ENPP1: variants seen among roughly 807,000 people sequenced by gnomAD.
ENPP1 encodes the protein ectonucleotide pyrophosphatase/phosphodiesterase family member 1.
Under a neutral mutation model 122.8 loss-of-function variants are expected in ENPP1, and 73 were observed. That is an observed-to-expected ratio of 0.59 (90% CI 0.49 to 0.72). The LOEUF is 0.72. ENPP1 is among the 30% of genes least tolerant of loss of function. The pLI is 0.00. For missense variants in ENPP1, 978 were observed against 1,128.1 expected (o/e 0.87, Z 1.91); for synonymous variants, 367 against 391.6 (o/e 0.94, Z 0.74).
intron 19 of ENPP1, 26 bp from the exon 20 acceptor site, chr6:131,879,854 C>A: frequency 6.2e-7 from 1 of 1,602,948 alleles, no homozygotes; most frequent in Non-Finnish European, 8.5e-7. Context: ...ACACTAACTA[C>A]ATTTATTTTC....
intron 1 of ENPP1, among the ~76,000 whole-genome samples, chr6:131,834,528 C>CTTTTTTT (rs34437450): frequency 7.5e-6 from 1 of 133,092 alleles, no homozygotes; most frequent in Non-Finnish European, 1.6e-5. Context: ...AGGTAATAGT[C>CTTTTTTT]TTTTTTTTTT....
rs181790655 is a variant in ENPP1, at chr6:131,825,323, A to G, written c.240+17048A>G. ...TTGTTGTTGTTGTTGTTAATTGACC[A>G]CTTCGTAACTTTTTTTATTCCTGCT... is the stretch of plus-strand genomic sequence containing the variant. On this transcript the variant is annotated intron_variant, in intron 1 of 24. Transcript: ENST00000647893. Among the ~76,000 whole-genome samples the G allele has an allele frequency of 3.3e-5, 5 of 152,266 alleles. No individual in the cohort carries two copies. In the East Asian group the frequency reaches 9.7e-4, roughly 29 times the overall value.
rs545598993 is a variant in ENPP1 at position 131,814,509 on chromosome 6, G to A, written c.240+6234G>A. Among the ~76,000 whole-genome samples the A allele has an allele frequency of 2.6e-4, 39 of 152,188 alleles. 1 individual carries two copies. Among genetic ancestry groups the A allele is most frequent in the Non-Finnish European group, 5.4e-4 (37 of 68,032 alleles). On this transcript the variant is annotated intron_variant, in intron 1 of 24. Transcript: ENST00000647893. ...TAGATTCAAGTTGCCCTGAGTATATGCTGTGAAAGACTTCTTTATAAGAGG... is the reference window on the plus strand; with the variant it reads ...TAGATTCAAGTTGCCCTGAGTATATACTGTGAAAGACTTCTTTATAAGAGG...
intron 1 of ENPP1, chr6:131,828,241 C>G (rs1781570278): frequency 1.8e-6 from 1 of 556,706 alleles, no homozygotes; most frequent in Admixed American, 2.0e-5. Flanking sequence ...TCAAATTCCA[C>G]TTTGTAAGAA....
At chr6:131,878,078 C>T (rs1344667344) in intron 18 of ENPP1, among the ~76,000 whole-genome samples, 1 of 151,516 alleles carries the variant, frequency 6.6e-6, no homozygotes, top group Non-Finnish European at 1.5e-5. Flanking sequence ...TGTCATTCCT[C>T]TCCTTCTGTC....
intron 1 of ENPP1, among the ~76,000 whole-genome samples, chr6:131,835,759 C>G (rs576346568): frequency 1.3e-5 from 2 of 152,192 alleles, no homozygotes; most frequent in Admixed American, 6.5e-5. Flanking sequence ...GTTGTTCCCC[C>G]CTCATGTGTC....
chr6:131,880,578 AG>A (rs199929064), intron 20 of ENPP1, among the ~76,000 whole-genome samples: 1,962 of 151,366 alleles, frequency 0.013, 43 homozygotes, highest in African/African-American at 0.046. Flanking sequence ...AAAAAAAAAA[AG>A]AAAGAAAGAA....
At position 131,836,407 on chromosome 6, in the gene ENPP1, C is replaced by A. The variant is rs888980105; in HGVS notation, c.241-11369C>A. On this transcript the variant is annotated intron_variant, in intron 1 of 24. Coordinates refer to ENST00000647893, the MANE Select transcript of ENPP1 (RefSeq NM_006208.3). Reference sequence around the variant, plus strand: ...GGGATTACATGTGTGAGTCACCACACCCAGCCGAGTGTGTGTGTGTGTGTG... The same window carrying A: ...GGGATTACATGTGTGAGTCACCACAACCAGCCGAGTGTGTGTGTGTGTGTG... Among the ~76,000 whole-genome samples the A allele has an allele frequency of 3.7e-5, 5 of 136,912 alleles. No homozygotes were observed. In the East Asian group the frequency reaches 1.0e-3, roughly 28 times the overall value. 89.8% of individuals were successfully genotyped at this position (136,912 alleles called of 152,430 possible).
chr6:131,834,869 T>A lies in ENPP1; in HGVS notation c.241-12907T>A, dbSNP rs181573833. Among the ~76,000 whole-genome samples, 261 of 152,230 alleles carry A rather than the reference T, an allele frequency of 1.7e-3. 5 individuals are homozygous for A. The highest frequency in any genetic ancestry group is 6.6e-4 in the Non-Finnish European group (45 of 68,000). On this transcript the variant is annotated intron_variant, in intron 1 of 24. Transcript: ENST00000647893. ...CCACCGCGCCCAGCTGAGGTAATAG[T>A]CTTTAAGAGAAGAGGGTACAGGATG...
chr6:131,850,820 T>C (rs184002548), intron 3 of ENPP1, among the ~76,000 whole-genome samples: 60 of 152,328 alleles, frequency 3.9e-4, no homozygotes, highest in Non-Finnish European at 7.4e-4. Flanking sequence ...CCTCTCACCT[T>C]GACCTGAGAG....
chr6:131,833,931 C>T (rs1411807505), intron 1 of ENPP1, among the ~76,000 whole-genome samples: 4 of 152,148 alleles, frequency 2.6e-5, no homozygotes, highest in Non-Finnish European at 5.9e-5. Flanking sequence ...TGGCTGGAGG[C>T]TGTATCTGAG....
chr6:131,826,182 C>T, intron 1 of ENPP1: 1 of 891,872 alleles, frequency 1.1e-6, no homozygotes, highest in Non-Finnish European at 1.9e-6. Context: ...ACAAATTCAT[C>T]AAGCTACTTT....
At chr6:131,878,674 G>T in intron 19 of ENPP1, 81 bp downstream of exon 19, 1 of 1,043,018 alleles carries the variant, frequency 9.6e-7, no homozygotes, top group East Asian at 2.4e-5. Context: ...ACTGGCTTGG[G>T]GGTATTATTT....
At chr6:131,865,904 G>C (rs543744584) in intron 11 of ENPP1, among the ~76,000 whole-genome samples, 14 of 151,884 alleles carry the variant, frequency 9.2e-5, no homozygotes, top group Middle Eastern at 3.4e-3. Flanking sequence ...GCTGAGGCAA[G>C]AGAATCGCTT....
intron 1 of ENPP1, among the ~76,000 whole-genome samples, chr6:131,828,974 T>C (rs1464969957): frequency 6.6e-6 from 1 of 152,248 alleles, no homozygotes; most frequent in Non-Finnish European, 1.5e-5. Context: ...CCCGAATGAG[T>C]ATGTTCCAAA....
At chr6:131,885,157 C>A in intron 23 of ENPP1, 94 bp downstream of exon 23, 2 of 1,202,238 alleles carry the variant, frequency 1.7e-6, no homozygotes, top group Non-Finnish European at 2.4e-6. Context: ...CTTTTTTATC[C>A]AGTGTCGTAT....
At chr6:131,813,007 T>C (rs983848257) in intron 1 of ENPP1, among the ~76,000 whole-genome samples, 6 of 152,064 alleles carry the variant, frequency 3.9e-5, no homozygotes, top group African/African-American at 1.4e-4. Context: ...TCCTGGCTAA[T>C]TTTTTTGTAT....
intron 1 of ENPP1, chr6:131,827,169 AT>A: frequency 1.3e-6 from 1 of 750,276 alleles, no homozygotes; most frequent in Admixed American, 1.8e-5. Context: ...TGTCTTGGAC[AT>A]TTTCCACAAG....
intron 16 of ENPP1, 117 bp downstream of exon 16, chr6:131,874,454 C>T (rs1363246329): frequency 3.0e-6 from 2 of 668,552 alleles, no homozygotes; most frequent in Non-Finnish European, 5.3e-6. Context: ...ATGGAACATA[C>T]TTTCATAAAG....
Sources: allele counts gnomAD v4.1 joint callset (sites outside exome capture counted in the v4.1 genomes callset), GRCh38; gene constraint gnomAD v4.1.1; transcripts MANE v1.5; gene names NCBI Gene and HGNC (gene_info 2026-07-23, HGNC 2026-07-21).